Variants in GPR20 observed in about 807,000 individuals in gnomAD.
GPR20 encodes the protein G protein-coupled receptor 20.
For synonymous variants in GPR20, 241 were observed against 241.9 expected, an observed-to-expected ratio of 1.00 and a Z score of 0.04; for missense variants, 494 against 527.4, an observed-to-expected ratio of 0.94 and a Z score of 0.62.
intron 1 of GPR20, among the ~76,000 whole-genome samples, chr8:141,363,413 G>C (rs960682127): frequency 2.0e-5 from 3 of 152,260 alleles, no homozygotes. Context: ...TCACGGTCCT[G>C]GGAACTTCCA....
chr8:141,366,965 A>C (rs1831822282), intron 1 of GPR20, among the ~76,000 whole-genome samples: 1 of 152,180 alleles, frequency 6.6e-6, no homozygotes, highest in African/African-American at 2.4e-5. Flanking sequence ...CAGCCAGCCC[A>C]ACTCACGCCC....
In GPR20 at chr8:141,357,253, G is replaced by A. The variant is rs751978246; in HGVS notation, c.671C>T (p.Ser224Leu). The A allele has an allele frequency of 3.9e-6, 6 of 1,545,208 alleles. No individual in the cohort carries two copies. Among genetic ancestry groups the A allele is most frequent in the Middle Eastern group, 1.7e-4 (1 of 5,992 alleles). ...VFTGRIMCAL[S>L]RPGLLHQGRQ... is the part of the protein sequence containing the mutation. ...ACCCTGGTGGAGCAGACCCGGCCGC[G>A]ACAGTGCACACATGATGCGGCCGGT... Residue 224 changes from serine (S) to leucine (L), a missense_variant, in exon 2 of 2, where the codon TCG becomes TTG. Physicochemically the swap from Ser to Leu is moderately radical, Grantham distance 145. Transcript: ENST00000377741.
chr8:141,362,957 T>G (rs1312757749), intron 1 of GPR20, among the ~76,000 whole-genome samples: 2 of 152,172 alleles, frequency 1.3e-5, no homozygotes, highest in East Asian at 3.8e-4. Flanking sequence ...TTCACCATGT[T>G]GGCCAAGGTA....
chr8:141,360,440 G>A (rs565687138), intron 1 of GPR20, among the ~76,000 whole-genome samples: 5 of 152,198 alleles, frequency 3.3e-5, no homozygotes, highest in African/African-American at 7.2e-5. Context: ...CCCTCAGCCC[G>A]GACCTTCTGT....
rs1464890403 is a variant in GPR20, at chr8:141,357,955, C to T, written c.-24-8G>A. 7.4e-7 allele frequency: 1 copy of T among 1,358,536 alleles called. No individual in the cohort carries two copies. Among genetic ancestry groups the T allele is most frequent in the Admixed American group, 2.2e-5 (1 of 45,146 alleles). 84.2% of individuals were successfully genotyped at this position (1,358,536 alleles called of 1,614,324 possible). A position where few individuals can be genotyped will look rare whatever the true frequency, so the allele number is the denominator to read the frequency against. On this transcript the variant is annotated splice_region_variant and splice_polypyrimidine_tract_variant and intron_variant, in intron 1 of 1. Coordinates refer to ENST00000377741, the MANE Select transcript of GPR20 (RefSeq NM_005293.3). Reference sequence around the variant, plus strand: ...AGCCAGCACACCCCAGGCCTGGAAGCAAGGAGACCAGGTCACCCCAGGCGC... The same window carrying T: ...AGCCAGCACACCCCAGGCCTGGAAGTAAGGAGACCAGGTCACCCCAGGCGC...
At chr8:141,363,639 C>A (rs1831771330) in intron 1 of GPR20, among the ~76,000 whole-genome samples, 1 of 152,250 alleles carries the variant, frequency 6.6e-6, no homozygotes, top group African/African-American at 2.4e-5. Context: ...CTGGCACCTG[C>A]CCAGAGGCCT....
chr8:141,361,567 C>T (rs990402566), intron 1 of GPR20, among the ~76,000 whole-genome samples: 4 of 152,120 alleles, frequency 2.6e-5, no homozygotes, highest in South Asian at 2.1e-4. Flanking sequence ...ACCCAGAGGG[C>T]GAGGGGGCGA....
chr8:141,365,698 G>GA (rs1831804938), intron 1 of GPR20, among the ~76,000 whole-genome samples: 1 of 152,254 alleles, frequency 6.6e-6, no homozygotes, highest in Admixed American at 6.5e-5. Flanking sequence ...TGAAGGGCCA[G>GA]AGGTGGGAAG....
intron 1 of GPR20, among the ~76,000 whole-genome samples, chr8:141,360,356 G>T (rs898794013): frequency 6.6e-6 from 1 of 152,224 alleles, no homozygotes; most frequent in Non-Finnish European, 1.5e-5. Context: ...GTCACACACT[G>T]ACCCCAATCC....
At chr8:141,364,633 C>T (rs569185284) in intron 1 of GPR20, among the ~76,000 whole-genome samples, 24 of 152,332 alleles carry the variant, frequency 1.6e-4, no homozygotes, top group Non-Finnish European at 2.6e-4. Context: ...CCATCTGACC[C>T]GACTCTGCCT....
intron 1 of GPR20, among the ~76,000 whole-genome samples, chr8:141,365,234 G>A (rs147703578): frequency 1.3e-5 from 2 of 152,166 alleles, no homozygotes; most frequent in African/African-American, 4.8e-5. Context: ...AAGGGCACCC[G>A]CTGGGCTCAT....
chr8:141,363,083 G>C (rs926599079), intron 1 of GPR20, among the ~76,000 whole-genome samples: 2 of 152,184 alleles, frequency 1.3e-5, no homozygotes, highest in African/African-American at 4.8e-5. Flanking sequence ...AATGGTCTTT[G>C]GTTTGCAGGC....
Position 141,357,398 on chromosome 8 carries a change from G to A in GPR20, c.526C>T (p.Leu176=), listed in dbSNP as rs1469156488. ...CARAVCAFVW[L]AAGAVTLSVL... ...GACAGGGTGACGGCACCGGCGGCCA[G>A]CCACACGAAGGCGCACACGGCCCTG... Residue 176 remains leucine (L), a synonymous_variant, in exon 2 of 2, where the codon CTG becomes TTG. Coordinates refer to ENST00000377741, the MANE Select transcript of GPR20 (RefSeq NM_005293.3). 6.3e-7 allele frequency: 1 copy of A among 1,593,000 alleles called. No homozygotes were observed. Among genetic ancestry groups the A allele is most frequent in the Non-Finnish European group, 8.5e-7 (1 of 1,171,972 alleles).
chr8:141,365,474 G>T (rs1831801346), intron 1 of GPR20, among the ~76,000 whole-genome samples: 1 of 152,218 alleles, frequency 6.6e-6, no homozygotes, highest in Non-Finnish European at 1.5e-5. Flanking sequence ...GGAATCAGAG[G>T]CCCCAGGCCA....
At chr8:141,360,847 C>T (rs781579994) in intron 1 of GPR20, among the ~76,000 whole-genome samples, 1 of 152,202 alleles carries the variant, frequency 6.6e-6, no homozygotes, top group African/African-American at 2.4e-5. Context: ...GTAGGCTGGC[C>T]GTCCTCATCT....
chr8:141,367,094 C>T (rs1435012281), intron 1 of GPR20, 107 bp downstream of exon 1: 2 of 152,294 alleles, frequency 1.3e-5, no homozygotes, highest in East Asian at 3.9e-4. Context: ...GCCCTTCCCA[C>T]TCCTGCTTGG....
chr8:141,356,664 G>C lies in GPR20; in HGVS notation c.*183C>G. 1 of 526,358 alleles carries C rather than the reference G, an allele frequency of 1.9e-6. No homozygotes were observed. The allele number at this position is 526,358 out of a possible 1,614,324, so 32.6% of individuals were successfully genotyped here. A position where few individuals can be genotyped will look rare whatever the true frequency, so the allele number is the denominator to read the frequency against. ...GCATTCAGGCCACCACATCCCATCG[G>C]AGCCAGTGGCAGACATTGCTAATCA... is the stretch of plus-strand genomic sequence containing the variant. On this transcript the variant is annotated 3_prime_UTR_variant, in exon 2 of 2. Coordinates refer to ENST00000377741, the MANE Select transcript of GPR20 (RefSeq NM_005293.3).
intron 1 of GPR20, among the ~76,000 whole-genome samples, chr8:141,366,302 G>C (rs1016647312): frequency 1.1e-4 from 16 of 152,212 alleles, no homozygotes; most frequent in Non-Finnish European, 1.2e-4. Flanking sequence ...GGAGAGGGGA[G>C]GGAAGACCCA....
intron 1 of GPR20, among the ~76,000 whole-genome samples, chr8:141,360,613 C>T (rs151021063): frequency 1.2e-3 from 180 of 152,360 alleles, no homozygotes; most frequent in African/African-American, 4.1e-3. Flanking sequence ...AGGAGGAATG[C>T]AAGCGGGGAC....
Sources: allele counts gnomAD v4.1 joint callset (sites outside exome capture counted in the v4.1 genomes callset), GRCh38; gene constraint gnomAD v4.1.1; transcripts MANE v1.5; gene names NCBI Gene and HGNC (gene_info 2026-07-23, HGNC 2026-07-21).